Variants in ARHGEF4 observed in about 807,000 individuals in gnomAD.
ARHGEF4 encodes APC-stimulated guanine nucleotide exchange factor 1.
In ARHGEF4, 119 loss-of-function variants were observed where a neutral mutation model predicts 162.0. The observed-to-expected ratio is 0.73, with a 90% CI of 0.63 to 0.86. The LOEUF is 0.86. Among genes scored for constraint, ARHGEF4 ranks in the 40% least tolerant of loss-of-function variants. The pLI is 0.00. For synonymous variants in ARHGEF4, 1,014 were observed against 979.9 expected (o/e 1.03, Z -0.65); for missense variants, 2,488 against 2,456.0 (o/e 1.01, Z -0.28).
intron 4 of ARHGEF4, among the ~76,000 whole-genome samples, chr2:130,984,483 G>A (rs1686338169): frequency 6.6e-6 from 1 of 152,150 alleles, no homozygotes; most frequent in African/African-American, 2.4e-5. Context: ...CTGAGGTCAG[G>A]AGTTCAAGAC....
chr2:130,870,432 C>T (rs1364653574), intron 1 of ARHGEF4, among the ~76,000 whole-genome samples: 1 of 152,166 alleles, frequency 6.6e-6, no homozygotes, highest in East Asian at 1.9e-4. Flanking sequence ...CTCCAGGGTC[C>T]CTAGCTGCCA....
intron 5 of ARHGEF4, 31 bp from the exon 6 acceptor site, chr2:131,038,822 C>A: frequency 6.3e-7 from 1 of 1,579,122 alleles, no homozygotes. Context: ...GCCTCCCCCA[C>A]TGACCCGCCT....
rs1439582798 is a variant in ARHGEF4 at position 130,914,988 on chromosome 2, C to A, written c.1042C>A (p.Pro348Thr). ...CATAGCAGGGTTTTCACCAGAGTGC[C>A]CCGAGGATCCCGTGGGACAGAATGT... ...HSIAGFSPEC[P>T]EDPVGQNVVK... Residue 348 changes from proline to threonine, a missense_variant, in exon 2 of 14, where the codon CCC becomes ACC. Pro to Thr is a conservative substitution (Grantham distance 38). Around this residue, in one of 6 missense-constraint regions of ARHGEF4, gnomAD observed 1,642 missense variants for 1,481.5 expected, o/e 1.11. Coordinates refer to ENST00000409359, the MANE Select transcript of ARHGEF4 (RefSeq NM_001367493.1). The A allele has an allele frequency of 6.4e-7, 1 of 1,550,572 alleles. No individual in the cohort carries two copies. Among genetic ancestry groups the A allele is most frequent in the Non-Finnish European group, 8.7e-7 (1 of 1,146,996 alleles).
At chr2:130,876,707 A>G (rs886727542) in intron 1 of ARHGEF4, among the ~76,000 whole-genome samples, 39 of 152,062 alleles carry the variant, frequency 2.6e-4, no homozygotes, top group Admixed American at 3.9e-4. Context: ...CATCTTTTCA[A>G]AGAGATAGGT....
At chr2:130,929,746 C>T (rs1682509348) in intron 2 of ARHGEF4, 2 of 198,972 alleles carry the variant, frequency 1.0e-5, no homozygotes, top group Non-Finnish European at 2.2e-5. Flanking sequence ...AAACAGTCTC[C>T]TGTACAACTG....
chr2:130,914,622 G>C lies in ARHGEF4; in HGVS notation c.676G>C (p.Val226Leu). ...GTCTGAGAGCTATCTGGGCATCCCA[G>C]TGGTCTGGCCCTTCCTTCTCTGGTG... Reference protein sequence around the residue: ...SRSESYLGIPVVWPFLLWCCE... With the variant: ...SRSESYLGIPLVWPFLLWCCE... The change falls in exon 2 of 14, where the codon GTG (valine) becomes CTG (leucine). Residue 226 changes from valine to leucine, a missense_variant. Physicochemically the swap from Val to Leu is conservative, Grantham distance 32 (BLOSUM62 1). This residue lies in a region of ARHGEF4 where 81 missense variants were observed against 125.8 expected (regional missense o/e 0.64). Coordinates refer to ENST00000409359, the MANE Select transcript of ARHGEF4 (RefSeq NM_001367493.1). The C allele has an allele frequency of 7.2e-7, 1 of 1,393,248 alleles. No homozygotes were observed. Among genetic ancestry groups the C allele is most frequent in the Non-Finnish European group, 9.3e-7 (1 of 1,080,478 alleles). The allele number at this position is 1,393,248 out of a possible 1,614,324, so 86.3% of individuals were successfully genotyped here.
At chr2:130,951,892 C>T (rs1481393037) in intron 4 of ARHGEF4, among the ~76,000 whole-genome samples, 5 of 152,124 alleles carry the variant, frequency 3.3e-5, no homozygotes, top group African/African-American at 1.2e-4. Flanking sequence ...GCCAGCAGCA[C>T]ATTAGTAAAA....
At chr2:131,019,644 G>GT (rs70994732) in intron 4 of ARHGEF4, among the ~76,000 whole-genome samples, 126,659 of 150,900 alleles carry the variant, frequency 0.84, 55,928 homozygotes, top group Non-Finnish European at 0.97. Context: ...TTTTGTTTTT[G>GT]TTTTTTTGAG....
chr2:130,865,762 G>T (rs950545148), intron 1 of ARHGEF4, among the ~76,000 whole-genome samples: 15 of 152,012 alleles, frequency 9.9e-5, no homozygotes, highest in Non-Finnish European at 1.9e-4. Flanking sequence ...TTTCCCTTGG[G>T]GTCAAACAAG....
At chr2:130,990,139 A>G (rs892430304) in intron 4 of ARHGEF4, among the ~76,000 whole-genome samples, 1 of 152,142 alleles carries the variant, frequency 6.6e-6, no homozygotes, top group African/African-American at 2.4e-5. Context: ...TCTTAATAGC[A>G]CTTTTATTAT....
At chr2:130,983,123 T>A (rs1686240472) in intron 4 of ARHGEF4, among the ~76,000 whole-genome samples, 1 of 152,212 alleles carries the variant, frequency 6.6e-6, no homozygotes. Context: ...ACACAAAAAG[T>A]TTACCTAAAA....
chr2:130,926,010 TTCTC>T lies in ARHGEF4; in HGVS notation c.3553-4938_3553-4935del, dbSNP rs761191813. On this transcript the variant is annotated intron_variant, in intron 2 of 13. Transcript: ENST00000409359. ...TCCATGATGCTCTATTTGTTTGGTT[TTCTC>T]TCTTTCTTTCTTTCTTTCTTTCTTT... Among the ~76,000 whole-genome samples, 114 of 104,118 alleles carry T rather than the reference TTCTC, an allele frequency of 1.1e-3. 5 individuals are homozygous for T. Among genetic ancestry groups the T allele is most frequent in the Admixed American group, 4.1e-3 (42 of 10,346 alleles). The allele number at this position is 104,118 out of a possible 152,430, so 68.3% of individuals were successfully genotyped here.
Position 130,838,658 on chromosome 2 carries a change from G to GAGGGAGGGA in ARHGEF4, c.39+1670_39+1678dup, listed in dbSNP as rs542455816. 1.7e-3 allele frequency among the ~76,000 whole-genome samples: 260 copies of GAGGGAGGGA among 152,066 alleles called. 1 individual carries two copies. Among genetic ancestry groups the GAGGGAGGGA allele is most frequent in the Middle Eastern group, 3.4e-3 (1 of 292 alleles). ...GAAGGAAGGAAAGGAAGGAAGGAAG[G>GAGGGAGGGA]AGGGAGGGAAGGAAGGAAAGAAACG... is the stretch of plus-strand genomic sequence containing the variant. On this transcript the variant is annotated intron_variant, in intron 1 of 13. Coordinates refer to ENST00000409359, the MANE Select transcript of ARHGEF4 (RefSeq NM_001367493.1).
intron 3 of ARHGEF4, among the ~76,000 whole-genome samples, chr2:130,946,054 A>G (rs1441943488): frequency 6.6e-6 from 1 of 152,242 alleles, no homozygotes; most frequent in Non-Finnish European, 1.5e-5. Flanking sequence ...GTCATCCCAA[A>G]GCCACAGCCA....
At chr2:130,865,695 A>G (rs1053880734) in intron 1 of ARHGEF4, among the ~76,000 whole-genome samples, 1 of 149,272 alleles carries the variant, frequency 6.7e-6, no homozygotes, top group African/African-American at 2.6e-5. Context: ...GAATAAAGTC[A>G]AAGATAGGTT....
chr2:130,947,922 T>C (rs1574281384), intron 4 of ARHGEF4, among the ~76,000 whole-genome samples: 1 of 152,100 alleles, frequency 6.6e-6, no homozygotes, highest in African/African-American at 2.4e-5. Flanking sequence ...CCAAATCTGG[T>C]GTTGAAGAAA....
At chr2:130,970,258 A>G (rs62178907) in intron 4 of ARHGEF4, among the ~76,000 whole-genome samples, 7,216 of 152,212 alleles carry the variant, frequency 0.047, 189 homozygotes, top group Middle Eastern at 0.071. Flanking sequence ...CTCTTGATAT[A>G]TATTCTCACC....
chr2:130,968,884 C>G (rs1297227397), intron 4 of ARHGEF4, among the ~76,000 whole-genome samples: 1 of 152,098 alleles, frequency 6.6e-6, no homozygotes, highest in East Asian at 1.9e-4. Flanking sequence ...CGCCACTGCA[C>G]TCCAGCCTGG....
chr2:131,010,321 A>G (rs1013545026), intron 4 of ARHGEF4, among the ~76,000 whole-genome samples: 1 of 152,228 alleles, frequency 6.6e-6, no homozygotes, highest in Non-Finnish European at 1.5e-5. Context: ...AAACTCAGCC[A>G]GGGGTATTCC....
Sources: allele counts gnomAD v4.1 joint callset (sites outside exome capture counted in the v4.1 genomes callset), GRCh38; gene constraint gnomAD v4.1.1; regional missense constraint gnomAD v4.1.1; transcripts MANE v1.5; gene names NCBI Gene and HGNC (gene_info 2026-07-23, HGNC 2026-07-21).